The following LIFR variants were observed in gnomAD, a reference collection of about 807,000 sequenced individuals.
LIFR encodes leukemia inhibitory factor receptor.
LIFR carries 84 observed loss-of-function variants against 122.2 expected under a neutral mutation model. The ratio of observed to expected loss-of-function variants is 0.69; its 90% CI spans 0.58 to 0.82. LIFR has a LOEUF of 0.82. Among genes scored for constraint, LIFR ranks in the 40% least tolerant of loss-of-function variants. The pLI is 0.00. For missense variants in LIFR, 1,294 were observed against 1,311.6 expected (o/e 0.99, Z 0.21); for synonymous variants, 422 against 434.7 (o/e 0.97, Z 0.36).
rs1475071121 is a variant in LIFR, at chr5:38,480,027, A to C, written c.*1568T>G. On this transcript the variant is annotated 3_prime_UTR_variant, in exon 20 of 20. Transcript: ENST00000453190. ...TGTCACTCTGGCTTTTTTCCACAAC[A>C]TGGTTTTTAAAAAGATACAATATGA... 1 of 223,430 alleles carries C rather than the reference A, an allele frequency of 4.5e-6. No homozygotes were observed. Among genetic ancestry groups the C allele is most frequent in the East Asian group, 6.6e-5 (1 of 15,140 alleles). The allele number at this position is 223,430 out of a possible 1,614,324, so 13.8% of individuals were successfully genotyped here.
intron 5 of LIFR, among the ~76,000 whole-genome samples, chr5:38,514,080 T>C (rs376206443): frequency 1.9e-4 from 29 of 152,026 alleles, no homozygotes; most frequent in South Asian, 6.2e-4. Context: ...AACATATGAA[T>C]AGAAATTCAA....
chr5:38,581,576 G>A (rs1749584462), intron 1 of LIFR, among the ~76,000 whole-genome samples: 3 of 152,222 alleles, frequency 2.0e-5, no homozygotes, highest in Admixed American at 1.3e-4. Context: ...CACATTGGCT[G>A]CAGGTTGGCC....
chr5:38,608,156 A>G (rs1750370237), exon 1 of LIFR: 1 of 152,336 alleles, frequency 6.6e-6, no homozygotes, highest in Middle Eastern at 3.4e-3. Context: ...ACTCACCACA[A>G]GAATCTCCTG....
chr5:38,542,111 G>A (rs1343565007), intron 1 of LIFR, among the ~76,000 whole-genome samples: 1 of 152,124 alleles, frequency 6.6e-6, no homozygotes, highest in Non-Finnish European at 1.5e-5. Context: ...AATTATGATT[G>A]TTGGTTTTAT....
intron 1 of LIFR, among the ~76,000 whole-genome samples, chr5:38,563,560 A>G (rs1295727231): frequency 6.6e-6 from 1 of 152,262 alleles, no homozygotes; most frequent in African/African-American, 2.4e-5. Flanking sequence ...TTCCAAAGTC[A>G]TCATAATTTA....
intron 1 of LIFR, chr5:38,550,158 A>G (rs538807331): frequency 1.1e-5 from 6 of 536,502 alleles, no homozygotes; most frequent in Non-Finnish European, 1.4e-5. Context: ...GTAAAGTTAT[A>G]ACAATTGAAA....
At chr5:38,522,216 G>A (rs1008323409) in intron 5 of LIFR, among the ~76,000 whole-genome samples, 2 of 152,162 alleles carry the variant, frequency 1.3e-5, no homozygotes, top group South Asian at 2.1e-4. Context: ...GGCACATCAC[G>A]CCCCACTTGT....
In LIFR at chr5:38,523,517, G is replaced by A. The variant is rs200441838; in HGVS notation, c.463C>T (p.Leu155=). The A allele has an allele frequency of 3.1e-5, 50 of 1,612,422 alleles. No homozygotes were observed. The highest frequency in any genetic ancestry group is 1.6e-4 in the Middle Eastern group (1 of 6,080). The change falls in exon 5 of 20, where the codon CTA becomes TTA. Residue 155 remains leucine, a synonymous_variant. Coordinates refer to ENST00000453190, the MANE Select transcript of LIFR (RefSeq NM_001127671.2). ...ACTGAACCCCTGTCGTTCCACTTTA[G>A]GTATAATGTAGAGGTTGAGAAATCA... is the stretch of plus-strand genomic sequence containing the variant. ...SADFSTSTLY[L]KWNDRGSVFP...
intron 16 of LIFR, among the ~76,000 whole-genome samples, chr5:38,488,664 A>C (rs1488890072): frequency 6.6e-6 from 1 of 152,220 alleles, no homozygotes; most frequent in Non-Finnish European, 1.5e-5. Context: ...TAATAGGCCA[A>C]TGGTTTTTTG....
At position 38,515,927 on chromosome 5, in the gene LIFR, A is replaced by G. The variant is rs530059856; in HGVS notation, c.562-3963T>C. Among the ~76,000 whole-genome samples the G allele has an allele frequency of 1.8e-4, 27 of 152,332 alleles. 1 individual carries two copies. In the South Asian group the frequency reaches 5.6e-3, roughly 32 times the overall value. ...TTCTTGATTTTTAAATTATTATAAA[A>G]TAATAGCATTAGTGCAAAATAATAG... On this transcript the variant is annotated intron_variant, in intron 5 of 19. Transcript: ENST00000453190.
At chr5:38,590,126 C>G (rs559766573) in intron 1 of LIFR, among the ~76,000 whole-genome samples, 22 of 152,194 alleles carry the variant, frequency 1.4e-4, no homozygotes, top group Non-Finnish European at 2.2e-4. Context: ...TCTTCCTCTC[C>G]TGAATACAGA....
At chr5:38,552,527 C>T (rs1426088905) in intron 1 of LIFR, among the ~76,000 whole-genome samples, 1 of 152,212 alleles carries the variant, frequency 6.6e-6, no homozygotes, top group African/African-American at 2.4e-5. Flanking sequence ...CACACCCACA[C>T]ACAAAAGGCA....
chr5:38,493,615 T>A lies in LIFR; in HGVS notation c.2056A>T (p.Ile686Leu). 6.2e-7 allele frequency: 1 copy of A among 1,613,956 alleles called. No individual in the cohort carries two copies. Among genetic ancestry groups the A allele is most frequent in the South Asian group, 1.1e-5 (1 of 91,086 alleles). ...CACTAATTCATCTTACCAGATTCTA[T>A]TACAGTTTCAGTGCTGTTTGAGGGA... ...KVPSNSTETV[I>L]ESDEFRPGIR... The change falls in exon 14 of 20, where the codon ATA becomes TTA. Residue 686 changes from isoleucine to leucine, a missense_variant. Coordinates refer to ENST00000453190, the MANE Select transcript of LIFR (RefSeq NM_001127671.2).
intron 1 of LIFR, among the ~76,000 whole-genome samples, chr5:38,545,154 C>T (rs1747806438): frequency 6.6e-6 from 1 of 151,956 alleles, no homozygotes. Flanking sequence ...CCTGTAGTCT[C>T]AGCCACTCAG....
chr5:38,555,803 G>C (rs1452587445), intron 1 of LIFR, among the ~76,000 whole-genome samples: 1 of 152,146 alleles, frequency 6.6e-6, no homozygotes, highest in African/African-American at 2.4e-5. Flanking sequence ...CAGAACTCCT[G>C]AATCCAGCTT....
intron 13 of LIFR, among the ~76,000 whole-genome samples, chr5:38,495,977 GTT>G (rs545628979): frequency 6.9e-6 from 1 of 143,974 alleles, no homozygotes. Flanking sequence ...TAAAATAAGC[GTT>G]TTTTTTTTTT....
chr5:38,509,307 G>A (rs1745665503), intron 7 of LIFR, among the ~76,000 whole-genome samples: 3 of 152,150 alleles, frequency 2.0e-5, no homozygotes, highest in South Asian at 2.1e-4. Context: ...AATGTTGCAA[G>A]TAATTTCCTA....
intron 1 of LIFR, among the ~76,000 whole-genome samples, chr5:38,570,285 A>G (rs952130755): frequency 2.0e-5 from 3 of 152,130 alleles, no homozygotes; most frequent in African/African-American, 7.2e-5. Context: ...GTACCTAAAG[A>G]TTATTAGGGG....
chr5:38,574,964 A>G (rs1749335436), intron 1 of LIFR, among the ~76,000 whole-genome samples: 2 of 152,224 alleles, frequency 1.3e-5, no homozygotes, highest in African/African-American at 4.8e-5. Flanking sequence ...CTCAACAGGA[A>G]CTTGTGCATG....
Sources: gnomAD v4.1 joint callset for allele counts (sites outside exome capture counted in the v4.1 genomes callset) on GRCh38, gnomAD v4.1.1 for gene constraint, MANE v1.5 for transcripts, NCBI Gene and HGNC (gene_info 2026-07-23, HGNC 2026-07-21) for gene names.